The following PCDHGB4 variants were observed in gnomAD, a reference collection of about 807,000 sequenced individuals.
The protein encoded by PCDHGB4 is protocadherin gamma subfamily B, 4.
In PCDHGB4, 38 loss-of-function variants were observed where a neutral mutation model predicts 60.5. That is an observed-to-expected ratio of 0.63 (90% CI 0.48 to 0.82). The LOEUF (loss-of-function observed/expected upper bound fraction) is 0.82, where lower values mean the gene tolerates loss of function less well. Ranked by LOEUF, PCDHGB4 falls within the 40% of genes least tolerant of loss-of-function variation. PCDHGB4 has a pLI of 0.00. For missense variants in PCDHGB4, 1,109 were observed against 1,209.6 expected, an observed-to-expected ratio of 0.92 and a Z score of 1.23; for synonymous variants, 456 against 509.7, an observed-to-expected ratio of 0.89 and a Z score of 1.42.
chr5:141,395,248 T>G lies in PCDHGB4; in HGVS notation c.2397+4967T>G, dbSNP rs1300416039. The G allele has an allele frequency of 4.5e-6, 7 of 1,561,360 alleles. No individual in the cohort carries two copies. In the Admixed American group the frequency reaches 1.4e-4, roughly 31 times the overall value. On this transcript the variant is annotated intron_variant, in intron 1 of 3. Transcript: ENST00000519479. ...GCTGATCATGGTCAGGTGAGTTTAG[T>G]TCTTTGCTTGCTTTTAATTTCCAGA...
intron 1 of PCDHGB4, among the ~76,000 whole-genome samples, chr5:141,482,314 A>G (rs1279804501): frequency 6.6e-6 from 1 of 152,180 alleles, no homozygotes; most frequent in Admixed American, 6.5e-5. Flanking sequence ...TTCCTCATCT[A>G]TAAAATAAAG....
rs771124496 is a variant in PCDHGB4, at chr5:141,489,457, C to T, written c.2398-5350C>T. The T allele has an allele frequency of 1.2e-5, 19 of 1,613,882 alleles. No homozygotes were observed. The highest frequency in any genetic ancestry group is 6.7e-5 in the African/African-American group (5 of 74,896). Reference sequence around the variant, plus strand: ...GCAATTGGGCTCTGAGGAGAATGGGCGCTATTTTTCCCTGAGCTTGATGAG... The same window carrying T: ...GCAATTGGGCTCTGAGGAGAATGGGTGCTATTTTTCCCTGAGCTTGATGAG... On this transcript the variant is annotated intron_variant, in intron 1 of 3. Coordinates refer to ENST00000519479, the MANE Select transcript of PCDHGB4 (RefSeq NM_003736.4). The surrounding 1 kb of genome is among the most constrained non-coding windows in gnomAD (Gnocchi z 4.5).
chr5:141,431,973 TC>T lies in PCDHGB4; in HGVS notation c.2397+41693del, dbSNP rs770294598. 13 of 1,614,100 alleles carry T rather than the reference TC, an allele frequency of 8.1e-6. No individual in the cohort carries two copies. The highest frequency in any genetic ancestry group is 1.0e-5 in the Non-Finnish European group (12 of 1,180,038). On this transcript the variant is annotated intron_variant, in intron 1 of 3. Transcript: ENST00000519479. This position sits in a 1 kb window ranked among gnomAD's most constrained non-coding sequence, Gnocchi z 4.8. ...TCTTACGGAAATTACTATAGTTTAG[TC>T]ACAGACATAGTCTTGGATAGGGAAC...
At chr5:141,428,727 A>G (rs1348450181) in intron 1 of PCDHGB4, 1 of 160,588 alleles carries the variant, frequency 6.2e-6, no homozygotes, top group Non-Finnish European at 1.4e-5. Context: ...AAAATCTTAA[A>G]CATATTATAT....
chr5:141,498,284 G>A (rs1339639509), intron 2 of PCDHGB4, among the ~76,000 whole-genome samples: 1 of 152,004 alleles, frequency 6.6e-6, no homozygotes, highest in Non-Finnish European at 1.5e-5. Flanking sequence ...CTTGGTTCAA[G>A]ATCAAGCCAG....
At chr5:141,423,440 C>G in intron 1 of PCDHGB4, 1 of 1,613,970 alleles carries the variant, frequency 6.2e-7, no homozygotes, top group South Asian at 1.1e-5. Context: ...GGTATGCCCA[C>G]GTCACATTTT....
At position 141,487,063 on chromosome 5, in the gene PCDHGB4, G is replaced by T; in HGVS notation, c.2398-7744G>T. The T allele has an allele frequency of 6.2e-7, 1 of 1,614,086 alleles. No homozygotes were observed. ...CTCGATATGCTGGGGAGGTGCGGACGGCTGTTCCTATCCCAGCTGACCTCC... is the reference window on the plus strand; with the variant it reads ...CTCGATATGCTGGGGAGGTGCGGACTGCTGTTCCTATCCCAGCTGACCTCC... On this transcript the variant is annotated intron_variant, in intron 1 of 3. Coordinates refer to ENST00000519479, the MANE Select transcript of PCDHGB4 (RefSeq NM_003736.4). The surrounding 1 kb of genome is among the most constrained non-coding windows in gnomAD (Gnocchi z 5.0).
At chr5:141,396,934 G>A (rs1037377516) in intron 1 of PCDHGB4, among the ~76,000 whole-genome samples, 2 of 152,186 alleles carry the variant, frequency 1.3e-5, no homozygotes. Flanking sequence ...GATGAAAGTT[G>A]CCCTGGTAGG....
chr5:141,467,907 C>A (rs1166486426), intron 1 of PCDHGB4, among the ~76,000 whole-genome samples: 1 of 152,156 alleles, frequency 6.6e-6, no homozygotes, highest in Non-Finnish European at 1.5e-5. Flanking sequence ...AATCCGCCCA[C>A]CTCAGCCTCC....
At chr5:141,410,192 T>G (rs748013890) in intron 1 of PCDHGB4, 1 of 1,613,980 alleles carries the variant, frequency 6.2e-7, no homozygotes, top group Non-Finnish European at 8.5e-7. Context: ...TCATCTGGTC[T>G]TCGCAGACAA....
intron 1 of PCDHGB4, among the ~76,000 whole-genome samples, chr5:141,402,017 A>G (rs1052839882): frequency 2.0e-5 from 3 of 152,210 alleles, no homozygotes; most frequent in African/African-American, 7.2e-5. Flanking sequence ...ATGCATTTGA[A>G]TCATTGAAAC....
chr5:141,438,358 G>A (rs1160913890), intron 1 of PCDHGB4, among the ~76,000 whole-genome samples: 1 of 151,634 alleles, frequency 6.6e-6, no homozygotes. Context: ...TCTGTGTATT[G>A]TCATTGAGGG....
intron 1 of PCDHGB4, chr5:141,415,909 C>T: frequency 2.6e-6 from 2 of 761,032 alleles, no homozygotes; most frequent in Non-Finnish European, 3.7e-6. Context: ...GACTTCCATA[C>T]AGAAGTGCCT....
intron 1 of PCDHGB4, chr5:141,393,422 G>A: frequency 6.2e-7 from 1 of 1,614,042 alleles, no homozygotes; most frequent in Non-Finnish European, 8.5e-7. Context: ...TGGACAGGGA[G>A]GAAGAGGCTG....
chr5:141,478,489 C>T (rs779457709), intron 1 of PCDHGB4: 99 of 1,613,162 alleles, frequency 6.1e-5, no homozygotes, highest in Non-Finnish European at 8.1e-5. Context: ...CGCTGCGGAG[C>T]TGTGATCCGG....
intron 1 of PCDHGB4, chr5:141,424,599 GATTT>G (rs1016470290): frequency 3.9e-5 from 6 of 152,170 alleles, no homozygotes; most frequent in Non-Finnish European, 8.8e-5. Flanking sequence ...GATGTCTACA[GATTT>G]ATTCAAATAG....
At chr5:141,410,479 G>A in intron 1 of PCDHGB4, 2 of 1,613,956 alleles carry the variant, frequency 1.2e-6, no homozygotes, top group Non-Finnish European at 1.7e-6. Flanking sequence ...TTGCACATAC[G>A]GGTACAAAAG....
intron 1 of PCDHGB4, among the ~76,000 whole-genome samples, chr5:141,405,666 C>T (rs752033736): frequency 3.3e-5 from 5 of 152,198 alleles, no homozygotes; most frequent in Admixed American, 6.5e-5. Flanking sequence ...TTAGTAGAGA[C>T]GGGGTGTCAC....
chr5:141,437,371 A>C (rs887976412), intron 1 of PCDHGB4, among the ~76,000 whole-genome samples: 1 of 152,262 alleles, frequency 6.6e-6, no homozygotes, highest in African/African-American at 2.4e-5. Context: ...GAATGTAATC[A>C]GTCAGAAGAC....
Sources: gnomAD v4.1 joint callset for allele counts (sites outside exome capture counted in the v4.1 genomes callset) on GRCh38, gnomAD v4.1.1 for gene constraint, Gnocchi (gnomAD v3.1) non-coding constraint, MANE v1.5 for transcripts, NCBI Gene and HGNC (gene_info 2026-07-23, HGNC 2026-07-21) for gene names.